Variants in SLC16A3 observed in about 807,000 individuals in gnomAD.
SLC16A3 encodes solute carrier family 16 member 3.
SLC16A3 carries 22 observed loss-of-function variants against 25.0 expected under a neutral mutation model. That is an observed-to-expected ratio of 0.88 (90% CI 0.63 to 1.26). The LOEUF (loss-of-function observed/expected upper bound fraction) is 1.26, where lower values mean the gene tolerates loss of function less well. Among genes scored for constraint, SLC16A3 ranks in the 50% most tolerant of loss-of-function variants. SLC16A3 has a pLI of 0.00. For missense variants in SLC16A3, 731 were observed against 666.6 expected, an observed-to-expected ratio of 1.10 and a Z score of -1.06; for synonymous variants, 390 against 309.2, an observed-to-expected ratio of 1.26 and a Z score of -2.74.
Position 82,235,997 on chromosome 17 carries a change from AC to A in SLC16A3, c.-9del, listed in dbSNP as rs765862814. ...TTCTCTCTCAGGTGAGGCGGAACCA[AC>A]CCTCCTGGCCATGGGAGGGGCCGTG... On this transcript the variant is annotated 5_prime_UTR_variant, in exon 2 of 5. Transcript: ENST00000582743. 6 of 1,607,004 alleles carry A rather than the reference AC, an allele frequency of 3.7e-6. No individual in the cohort carries two copies. The highest frequency in any genetic ancestry group is 5.1e-6 in the Non-Finnish European group (6 of 1,177,164).
At chr17:82,231,338 G>T (rs1244620101) in intron 1 of SLC16A3, 1 of 152,218 alleles carries the variant, frequency 6.6e-6, no homozygotes, top group Non-Finnish European at 1.5e-5. Flanking sequence ...GGAGTTTTGG[G>T]TTCCCCCCTT....
At chr17:82,231,523 G>T (rs1484663019) in intron 1 of SLC16A3, 2 of 152,266 alleles carry the variant, frequency 1.3e-5, no homozygotes, top group African/African-American at 4.8e-5. Context: ...CGGGGTCCAG[G>T]AGGCCTCGGA....
At chr17:82,230,199 C>T (rs892181465) in intron 1 of SLC16A3, 9 of 152,530 alleles carry the variant, frequency 5.9e-5, no homozygotes, top group African/African-American at 1.9e-4. Context: ...GGTGTGGAGG[C>T]GGCTGGGCTC....
At chr17:82,221,323 G>T (rs2050387834) in intron 1 of SLC16A3, among the ~76,000 whole-genome samples, 1 of 152,146 alleles carries the variant, frequency 6.6e-6, no homozygotes, top group African/African-American at 2.4e-5. Context: ...ATTTTGGGAG[G>T]CTGAGGCAGG....
chr17:82,221,495 G>A (rs913193231), intron 1 of SLC16A3, among the ~76,000 whole-genome samples: 1 of 151,972 alleles, frequency 6.6e-6, no homozygotes, highest in Non-Finnish European at 1.5e-5. Flanking sequence ...TGTGAACCCG[G>A]GAGGTGAAGG....
At position 82,237,760 on chromosome 17, in the gene SLC16A3, C is replaced by T. The variant is rs1186950929; in HGVS notation, c.990C>T (p.Ile330=). Residue 330 remains isoleucine (I), a synonymous_variant, in exon 4 of 5, where the codon ATC becomes ATT. Transcript: ENST00000582743. The part of the protein sequence containing the change: ...GLVVFCIFFG[I]SYGMVGALQF... Reference sequence around the variant, plus strand: ...TGGTCTTCTGCATCTTCTTTGGCATCTCCTACGGCATGGTGGGGGCCCTGC... The same window carrying T: ...TGGTCTTCTGCATCTTCTTTGGCATTTCCTACGGCATGGTGGGGGCCCTGC... 5 of 1,611,996 alleles carry T rather than the reference C, an allele frequency of 3.1e-6. No homozygotes were observed. Among genetic ancestry groups the T allele is most frequent in the South Asian group, 1.1e-5 (1 of 91,096 alleles).
At chr17:82,222,117 C>T (rs2050392549) in intron 1 of SLC16A3, among the ~76,000 whole-genome samples, 1 of 148,742 alleles carries the variant, frequency 6.7e-6, no homozygotes, top group Non-Finnish European at 1.5e-5. Context: ...AGAGGAGCGT[C>T]GCCCTGGGAC....
intron 4 of SLC16A3, among the ~76,000 whole-genome samples, chr17:82,238,348 G>A (rs990261621): frequency 1.3e-5 from 2 of 152,174 alleles, no homozygotes; most frequent in East Asian, 1.9e-4. Flanking sequence ...CTTGGAGTCC[G>A]CGGTGGCCAG....
intron 1 of SLC16A3, chr17:82,235,683 G>A (rs754800502): frequency 4.6e-6 from 2 of 437,018 alleles, no homozygotes; most frequent in South Asian, 2.4e-5. Flanking sequence ...TGTTCCTGTC[G>A]GGGGCTGCTT....
At chr17:82,224,123 T>C (rs1241353622), upstream of SLC16A3, among the ~76,000 whole-genome samples, 16 of 78,182 alleles carry the variant, frequency 2.0e-4, no homozygotes, top group African/African-American at 5.4e-4. Context: ...GACACACCCC[T>C]ACACCCGTGC....
intron 1 of SLC16A3, among the ~76,000 whole-genome samples, chr17:82,232,846 C>T (rs2050520131): frequency 7.6e-6 from 1 of 131,144 alleles, no homozygotes; most frequent in African/African-American, 2.9e-5. Flanking sequence ...CAGCCCCCAC[C>T]TGGGAGATCA....
rs1486749857 is a variant in SLC16A3, at chr17:82,238,716, G to A, written c.1138G>A (p.Ala380Thr). 1 of 1,610,832 alleles carries A rather than the reference G, an allele frequency of 6.2e-7. No homozygotes were observed. The highest frequency in any genetic ancestry group is 8.5e-7 in the Non-Finnish European group (1 of 1,179,078). ...GPPSGGKLLD[A>T]THVYMYVFIL... is the part of the protein sequence containing the mutation. ...TCTTCCCGCAGGCAAACTCCTGGAT[G>A]CGACCCACGTCTACATGTACGTGTT... Residue 380 changes from alanine to threonine, a missense_variant, in exon 5 of 5, where the codon GCG (alanine) becomes ACG (threonine). Transcript: ENST00000582743.
chr17:82,222,992 A>AG (rs146950116), intron 1 of SLC16A3, among the ~76,000 whole-genome samples: 5,941 of 151,902 alleles, frequency 0.039, 136 homozygotes, highest in South Asian at 0.073. Context: ...ATACCGGGGA[A>AG]GGGGGGGTGC....
Position 82,237,128 on chromosome 17 carries a change from T to C in SLC16A3, c.368-10T>C. ...CTTGGGGGGCTCTCACCACATTCCC[T>C]TTCCTCCAGGGTTGGGTTTGGCACT... is the stretch of plus-strand genomic sequence containing the variant. On this transcript the variant is annotated splice_polypyrimidine_tract_variant and intron_variant, in intron 3 of 4. Transcript: ENST00000582743. The C allele has an allele frequency of 1.3e-6, 2 of 1,497,818 alleles. No homozygotes were observed. Among genetic ancestry groups the C allele is most frequent in the South Asian group, 1.4e-5 (1 of 73,630 alleles). The allele number at this position is 1,497,818 out of a possible 1,614,324, so 92.8% of individuals were successfully genotyped here. A position where few individuals can be genotyped will look rare whatever the true frequency, so the allele number is the denominator to read the frequency against.
At chr17:82,233,372 C>T (rs1305899575) in intron 1 of SLC16A3, among the ~76,000 whole-genome samples, 1 of 152,192 alleles carries the variant, frequency 6.6e-6, no homozygotes, top group African/African-American at 2.4e-5. Flanking sequence ...CCACAAGCAC[C>T]TCAGGTCTCA....
chr17:82,237,598 C>G lies in SLC16A3; in HGVS notation c.828C>G (p.Phe276Leu), dbSNP rs758447400. The change falls in exon 4 of 5, where the codon TTC becomes TTG. Residue 276 changes from phenylalanine to leucine, a missense_variant. Phe to Leu is a conservative substitution (Grantham distance 22, BLOSUM62 0). Coordinates refer to ENST00000582743, the MANE Select transcript of SLC16A3 (RefSeq NM_004207.4). ...CCATCCTGGGCTTCATTGACATCTT[C>G]GCGCGGCCGGCCGCGGGCTTCGTGG... ...LLTILGFIDI[F>L]ARPAAGFVAG... The G allele has an allele frequency of 1.9e-6, 3 of 1,612,380 alleles. No individual in the cohort carries two copies. The highest frequency in any genetic ancestry group is 2.5e-6 in the Non-Finnish European group (3 of 1,179,740).
intron 1 of SLC16A3, chr17:82,235,649 G>A (rs2147126693): frequency 2.7e-6 from 1 of 376,820 alleles, no homozygotes; most frequent in South Asian, 2.5e-5. Flanking sequence ...GAGCGAGCCA[G>A]GGCAGAAATG....
chr17:82,227,644 C>G (rs994997114), upstream of SLC16A3, among the ~76,000 whole-genome samples: 1 of 21,648 alleles, frequency 4.6e-5, no homozygotes, highest in Non-Finnish European at 1.2e-4. Context: ...GCGGGAGCAC[C>G]ACCTGCCCTG....
chr17:82,218,615 C>T (rs1031899682), intron 1 of SLC16A3, among the ~76,000 whole-genome samples: 3 of 152,144 alleles, frequency 2.0e-5, no homozygotes, highest in Non-Finnish European at 2.9e-5. Context: ...TCAGGGAGGC[C>T]GCACCAGGAC....
Sources: allele counts gnomAD v4.1 joint callset (sites outside exome capture counted in the v4.1 genomes callset), GRCh38; gene constraint gnomAD v4.1.1; transcripts MANE v1.5; gene names NCBI Gene and HGNC (gene_info 2026-07-23, HGNC 2026-07-21).